The following ADAMTS16 variants were observed in gnomAD, a reference collection of about 807,000 sequenced individuals.
The protein encoded by ADAMTS16 is A disintegrin and metalloproteinase with thrombospondin motifs 16.
Under a neutral mutation model 145.8 loss-of-function variants are expected in ADAMTS16, and 94 were observed. That is an observed-to-expected ratio of 0.64 (90% CI 0.55 to 0.77). The LOEUF is 0.77. ADAMTS16 is among the 30% of genes least tolerant of loss of function. The pLI, the probability that ADAMTS16 is intolerant of heterozygous loss-of-function variation, is 0.00. For missense variants in ADAMTS16, 1,585 were observed against 1,591.5 expected (o/e 1.00, Z 0.07); for synonymous variants, 659 against 604.3 (o/e 1.09, Z -1.33).
At chr5:5,181,952 GAAT>G in intron 3 of ADAMTS16, 89 bp from the exon 4 acceptor site, 1 of 1,396,828 alleles carries the variant, frequency 7.2e-7, no homozygotes, top group East Asian at 2.3e-5. Flanking sequence ...GCTTCCAAGA[GAAT>G]AATAACAAAT....
intron 17 of ADAMTS16, 41 bp from the exon 18 acceptor site, chr5:5,262,616 T>G (rs965323961): frequency 6.3e-7 from 1 of 1,593,924 alleles, no homozygotes; most frequent in Non-Finnish European, 8.5e-7. Flanking sequence ...CTGTGGGGCA[T>G]GCATGTGAGT....
At chr5:5,313,381 T>G (rs1012931605) in intron 21 of ADAMTS16, among the ~76,000 whole-genome samples, 1 of 152,380 alleles carries the variant, frequency 6.6e-6, no homozygotes, top group African/African-American at 2.4e-5. Flanking sequence ...TTCCATTGAT[T>G]TAAATGTTTT....
chr5:5,227,199 A>T (rs1736790405), intron 11 of ADAMTS16, among the ~76,000 whole-genome samples: 1 of 152,236 alleles, frequency 6.6e-6, no homozygotes, highest in Admixed American at 6.5e-5. Context: ...TTGATGACTC[A>T]GTGCTTTTTT....
At chr5:5,208,768 C>T (rs1379490267) in intron 9 of ADAMTS16, among the ~76,000 whole-genome samples, 1 of 152,158 alleles carries the variant, frequency 6.6e-6, no homozygotes, top group Admixed American at 6.6e-5. Context: ...TAAAAGATGT[C>T]CATCATAAGA....
At chr5:5,148,031 G>A (rs1232022151) in intron 3 of ADAMTS16, among the ~76,000 whole-genome samples, 1 of 151,918 alleles carries the variant, frequency 6.6e-6, no homozygotes, top group Non-Finnish European at 1.5e-5. Context: ...AGAGTTAACA[G>A]GAAAAGTTAA....
intron 18 of ADAMTS16, among the ~76,000 whole-genome samples, chr5:5,284,869 G>A (rs1171925839): frequency 6.6e-6 from 1 of 152,102 alleles, no homozygotes; most frequent in Non-Finnish European, 1.5e-5. Flanking sequence ...TCTGACCAGG[G>A]AATTTCCATA....
At chr5:5,162,956 A>G (rs1045636155) in intron 3 of ADAMTS16, among the ~76,000 whole-genome samples, 1 of 152,294 alleles carries the variant, frequency 6.6e-6, no homozygotes, top group Admixed American at 6.5e-5. Flanking sequence ...TATTGTGGAC[A>G]TAACAGCAAT....
intron 17 of ADAMTS16, among the ~76,000 whole-genome samples, chr5:5,250,559 A>T (rs913153106): frequency 6.6e-6 from 1 of 152,206 alleles, no homozygotes; most frequent in Admixed American, 6.5e-5. Flanking sequence ...CTGAGAGCTC[A>T]GGTATGAGTG....
At chr5:5,230,298 G>A (rs752113858) in intron 11 of ADAMTS16, among the ~76,000 whole-genome samples, 10 of 152,178 alleles carry the variant, frequency 6.6e-5, no homozygotes, top group South Asian at 2.1e-4. Flanking sequence ...TAAACGAACC[G>A]TGTTTTGATT....
chr5:5,309,802 G>A (rs894033955), intron 21 of ADAMTS16, among the ~76,000 whole-genome samples: 3 of 150,448 alleles, frequency 2.0e-5, no homozygotes, highest in Non-Finnish European at 2.9e-5. Context: ...GCATGTGTGG[G>A]TTTAGGAGAG....
intron 17 of ADAMTS16, among the ~76,000 whole-genome samples, chr5:5,258,855 T>G (rs1463855585): frequency 6.6e-6 from 1 of 152,020 alleles, no homozygotes; most frequent in Admixed American, 6.6e-5. Context: ...TATATAATTT[T>G]TTTTAGTATT....
At chr5:5,154,918 A>G (rs1734563923) in intron 3 of ADAMTS16, among the ~76,000 whole-genome samples, 1 of 152,110 alleles carries the variant, frequency 6.6e-6, no homozygotes, top group African/African-American at 2.4e-5. Flanking sequence ...TGTGGCCACT[A>G]ACTCTCGGGG....
intron 3 of ADAMTS16, among the ~76,000 whole-genome samples, chr5:5,149,396 G>C (rs1478300379): frequency 6.6e-6 from 1 of 152,164 alleles, no homozygotes; most frequent in Non-Finnish European, 1.5e-5. Flanking sequence ...CTAGTTATAA[G>C]TAAGAGACAA....
intron 14 of ADAMTS16, among the ~76,000 whole-genome samples, chr5:5,238,312 G>A (rs1737174604): frequency 6.6e-6 from 1 of 152,202 alleles, no homozygotes; most frequent in South Asian, 2.1e-4. Flanking sequence ...CTGAACTGAT[G>A]TGAGACTACT....
At chr5:5,237,499 G>T (rs1472767328) in intron 14 of ADAMTS16, among the ~76,000 whole-genome samples, 1 of 152,198 alleles carries the variant, frequency 6.6e-6, no homozygotes, top group African/African-American at 2.4e-5. Flanking sequence ...GAGGGAAAGT[G>T]GGGGACTGGG....
chr5:5,299,434 C>A (rs910494912), intron 18 of ADAMTS16, among the ~76,000 whole-genome samples: 3 of 152,144 alleles, frequency 2.0e-5, no homozygotes, highest in Non-Finnish European at 4.4e-5. Context: ...TGTGTAATGA[C>A]AAGGGACTTT....
chr5:5,305,192 CAA>C (rs1299068770), intron 20 of ADAMTS16, among the ~76,000 whole-genome samples: 2 of 49,172 alleles, frequency 4.1e-5, no homozygotes, highest in African/African-American at 7.7e-5. Context: ...CATCCCACAC[CAA>C]ACACACACAC....
At position 5,140,747 on chromosome 5, in the gene ADAMTS16, G is replaced by A. The variant is rs1734140618; in HGVS notation, c.156G>A (p.Pro52=). The change falls in exon 2 of 23, where the codon CCG becomes CCA. Residue 52 remains proline (P), a synonymous_variant. Transcript: ENST00000274181. ...GTCCTCCTCCACCCGCGGAGCGGCCGGGCTGGATGGAAAAGGGCGGTAAGT... is the reference window on the plus strand; with the variant it reads ...GTCCTCCTCCACCCGCGGAGCGGCCAGGCTGGATGGAAAAGGGCGGTAAGT... ...VPRPPPPAER[P]GWMEKGEYDL... The A allele has an allele frequency of 6.4e-7, 1 of 1,566,032 alleles. No homozygotes were observed. Among genetic ancestry groups the A allele is most frequent in the East Asian group, 2.3e-5 (1 of 43,130 alleles).
intron 9 of ADAMTS16, among the ~76,000 whole-genome samples, chr5:5,201,759 G>A (rs557883551): frequency 1.3e-5 from 2 of 152,202 alleles, no homozygotes; most frequent in African/African-American, 4.8e-5. Context: ...TCTTTGTAAT[G>A]TACATGTCTT....
Sources: allele counts gnomAD v4.1 joint callset (sites outside exome capture counted in the v4.1 genomes callset), GRCh38; gene constraint gnomAD v4.1.1; transcripts MANE v1.5; gene names NCBI Gene and HGNC (gene_info 2026-07-23, HGNC 2026-07-21).